The following CMC2 variants were observed in gnomAD, a reference collection of about 807,000 sequenced individuals.
CMC2 encodes COX assembly mitochondrial protein 2 homolog.
A neutral mutation model predicts 7.5 loss-of-function variants in CMC2; 5 were observed. That is an observed-to-expected ratio of 0.66 (90% CI 0.35 to 1.40). CMC2 has a LOEUF of 1.40. CMC2 is among the 40% of genes most tolerant of loss of function. CMC2 has a pLI of 0.04. For missense variants in CMC2, 115 were observed against 92.3 expected (o/e 1.25, Z -1.01); for synonymous variants, 37 against 31.4 (o/e 1.18, Z -0.60).
At chr16:80,989,272 T>C (rs955524385) in intron 2 of CMC2, among the ~76,000 whole-genome samples, 1 of 152,212 alleles carries the variant, frequency 6.6e-6, no homozygotes, top group Non-Finnish European at 1.5e-5. Flanking sequence ...CAAAAAGTGA[T>C]TTTCTAATTC....
At chr16:81,000,968 G>C (rs1285655087) in intron 1 of CMC2, among the ~76,000 whole-genome samples, 1 of 152,128 alleles carries the variant, frequency 6.6e-6, no homozygotes, top group Non-Finnish European at 1.5e-5. Flanking sequence ...GTAATGGATT[G>C]GATAAAGAAA....
chr16:80,997,962 A>T (rs1388350187), intron 1 of CMC2: 1 of 152,258 alleles, frequency 6.6e-6, no homozygotes, highest in Non-Finnish European at 1.5e-5. Flanking sequence ...AAAAATTTCA[A>T]ATTTAACAGA....
rs1236958075 is a variant in CMC2, at chr16:80,973,808, A to C, written c.*2285T>G. 6.6e-6 allele frequency: 1 copy of C among 152,210 alleles called. No homozygotes were observed. The highest frequency in any genetic ancestry group is 2.4e-5 in the African/African-American group (1 of 41,436). The allele number at this position is 152,210 out of a possible 1,614,324, so 9.4% of individuals were successfully genotyped here. Reference sequence around the variant, plus strand: ...GCCTTCAGTGTGTACTTTACTCTACAGGGATCAGCAACAGCTGCAACACAA... The same window carrying C: ...GCCTTCAGTGTGTACTTTACTCTACCGGGATCAGCAACAGCTGCAACACAA... On this transcript the variant is annotated 3_prime_UTR_variant, in exon 4 of 4. Coordinates refer to ENST00000219400, the MANE Select transcript of CMC2 (RefSeq NM_020188.5).
intron 2 of CMC2, among the ~76,000 whole-genome samples, chr16:80,984,310 G>C (rs2602446): frequency 0.65 from 99,286 of 152,034 alleles, 34,141 homozygotes; most frequent in South Asian, 0.8. Flanking sequence ...GCTGAACTTG[G>C]TAGTTGTAAT....
intron 2 of CMC2, among the ~76,000 whole-genome samples, chr16:80,990,328 G>A (rs369326518): frequency 6.6e-6 from 1 of 151,966 alleles, no homozygotes; most frequent in African/African-American, 2.4e-5. Flanking sequence ...CCGCCACCAC[G>A]CACAGCTAAT....
chr16:81,006,827 C>T lies in CMC2; in HGVS notation c.-129G>A, dbSNP rs558287757. 1.0e-5 allele frequency: 10 copies of T among 985,604 alleles called. No homozygotes were observed. In the South Asian group the frequency reaches 1.9e-4, roughly 19 times the overall value. 61.1% of individuals were successfully genotyped at this position (985,604 alleles called of 1,614,324 possible). A position where few individuals can be genotyped will look rare whatever the true frequency, so the allele number is the denominator to read the frequency against. On this transcript the variant is annotated 5_prime_UTR_variant, in exon 1 of 4. Coordinates refer to ENST00000219400, the MANE Select transcript of CMC2 (RefSeq NM_020188.5). ...GCTGCTAGGGAGCAGACAGCTGAAC[C>T]GCTTGCCAGACGCCGAAACCCAGTG...
intron 2 of CMC2, among the ~76,000 whole-genome samples, chr16:80,985,678 G>A (rs1406277531): frequency 1.3e-5 from 2 of 151,980 alleles, no homozygotes; most frequent in African/African-American, 4.8e-5. Context: ...CTGCCACGAA[G>A]GAGAAAAGCT....
chr16:81,001,447 T>C (rs1218346436), intron 1 of CMC2: 1 of 152,210 alleles, frequency 6.6e-6, no homozygotes, highest in Non-Finnish European at 1.5e-5. Flanking sequence ...GGAATGGTGG[T>C]TACCAGAGGG....
intron 3 of CMC2, chr16:80,980,701 CCAAAACAGTGAGACTCTCATCTCTA>C: frequency 1.7e-6 from 1 of 591,754 alleles, no homozygotes; most frequent in Non-Finnish European, 3.0e-6. Flanking sequence ...ACCAGCCTGG[CCAAAACAGTGAGACTCTCATCTCTA>C]CAAAAAAATG....
chr16:80,979,745 C>T (rs1443832369), intron 3 of CMC2, among the ~76,000 whole-genome samples: 3 of 152,152 alleles, frequency 2.0e-5, no homozygotes, highest in African/African-American at 4.8e-5. Context: ...CTCAGCCTCC[C>T]GAGTAGCTGG....
rs1912152017 is a variant in CMC2 at position 80,974,682 on chromosome 16, C to G, written c.*1411G>C. ...CTATGACATCTACCTAATCATGGCACTTTGATGATTACAGGTGACTAAAAG... is the reference window on the plus strand; with the variant it reads ...CTATGACATCTACCTAATCATGGCAGTTTGATGATTACAGGTGACTAAAAG... On this transcript the variant is annotated 3_prime_UTR_variant, in exon 4 of 4. Coordinates refer to ENST00000219400, the MANE Select transcript of CMC2 (RefSeq NM_020188.5). 6.6e-6 allele frequency: 1 copy of G among 152,212 alleles called. No homozygotes were observed. Among genetic ancestry groups the G allele is most frequent in the Non-Finnish European group, 1.5e-5 (1 of 68,046 alleles). 9.4% of individuals were successfully genotyped at this position (152,212 alleles called of 1,614,324 possible).
In CMC2 at chr16:80,973,428, T is replaced by A. The variant is rs1174178924; in HGVS notation, c.*2665A>T. The stretch of plus-strand genomic sequence containing the variant: ...GAGGGGGCCCTTACTTTGTGCCAGA[T>A]AATCTATCACATACATCTCAACCAA... On this transcript the variant is annotated 3_prime_UTR_variant, in exon 4 of 4. Coordinates refer to ENST00000219400, the MANE Select transcript of CMC2 (RefSeq NM_020188.5). The A allele has an allele frequency of 1.3e-5, 2 of 152,216 alleles. No individual in the cohort carries two copies. Among genetic ancestry groups the A allele is most frequent in the Non-Finnish European group, 2.9e-5 (2 of 68,044 alleles). The allele number at this position is 152,216 out of a possible 1,614,324, so 9.4% of individuals were successfully genotyped here. A position where few individuals can be genotyped will look rare whatever the true frequency, so the allele number is the denominator to read the frequency against.
At position 80,980,766 on chromosome 16, in the gene CMC2, G is replaced by C. The variant is rs547904967; in HGVS notation, c.153+1040C>G. 8.7e-6 allele frequency: 6 copies of C among 687,532 alleles called. No homozygotes were observed. The South Asian group carries it at 9.1e-5, about 10-fold the overall frequency. 42.6% of individuals were successfully genotyped at this position (687,532 alleles called of 1,614,324 possible). ...AAACCTTAACCAGGCATGGTGGTAC[G>C]CACCTGTCGTCCTAGCTACTCAGGA... On this transcript the variant is annotated intron_variant, in intron 3 of 3. Coordinates refer to ENST00000219400, the MANE Select transcript of CMC2 (RefSeq NM_020188.5).
At chr16:80,980,930 A>G in intron 3 of CMC2, 1 of 650,062 alleles carries the variant, frequency 1.5e-6, no homozygotes, top group Non-Finnish European at 2.8e-6. Flanking sequence ...CTCTTCACTG[A>G]GTACTCCAAA....
rs1011636236 is a variant in CMC2, at chr16:80,966,695, C to A, written c.*9398G>T. ...GTAAAGTCAAAATATTGTATTTGAA[C>A]AACACTTATAATCATTTCCTTTCTG... On this transcript the variant is annotated 3_prime_UTR_variant, in exon 4 of 4. Transcript: ENST00000219400. The A allele has an allele frequency of 1.3e-5, 2 of 152,110 alleles. No homozygotes were observed. The highest frequency in any genetic ancestry group is 4.8e-5 in the African/African-American group (2 of 41,410). 9.4% of individuals were successfully genotyped at this position (152,110 alleles called of 1,614,324 possible). A position where few individuals can be genotyped will look rare whatever the true frequency, so the allele number is the denominator to read the frequency against.
rs112074999 is a variant in CMC2 at position 80,986,758 on chromosome 16, G to T, written c.82-4881C>A. 9.4e-3 allele frequency among the ~76,000 whole-genome samples: 1,425 copies of T among 152,354 alleles called. 21 individuals are homozygous for T. Among genetic ancestry groups the T allele is most frequent in the African/African-American group, 0.033 (1,355 of 41,590 alleles). On this transcript the variant is annotated intron_variant, in intron 2 of 3. Transcript: ENST00000219400. ...TGGCTTTCAGCCAAGAATGACAGTG[G>T]AAGTTTTAAAAAGAGATAAGATAAA...
intron 1 of CMC2, chr16:80,999,085 C>T (rs1968648050): frequency 6.6e-6 from 1 of 152,170 alleles, no homozygotes; most frequent in Admixed American, 6.5e-5. Flanking sequence ...GTACTTATTT[C>T]CTAGCCAAAG....
chr16:81,001,206 AGG>A (rs1356215881), intron 1 of CMC2: 1 of 152,186 alleles, frequency 6.6e-6, no homozygotes, highest in African/African-American at 2.4e-5. Flanking sequence ...CGGTAGAAGG[AGG>A]GTAAGGGCTG....
intron 2 of CMC2, chr16:80,991,802 A>G: frequency 2.7e-6 from 1 of 375,642 alleles, no homozygotes; most frequent in Non-Finnish European, 5.3e-6. Flanking sequence ...AATTATGAGG[A>G]AAACAAGACA....
Sources: allele counts gnomAD v4.1 joint callset (sites outside exome capture counted in the v4.1 genomes callset), GRCh38; gene constraint gnomAD v4.1.1; transcripts MANE v1.5; gene names NCBI Gene and HGNC (gene_info 2026-07-23, HGNC 2026-07-21).